ANO2: variants seen among roughly 807,000 people sequenced by gnomAD.
ANO2 encodes the protein anoctamin 2.
In ANO2, 101 loss-of-function variants were observed where a neutral mutation model predicts 124.2. The ratio of observed to expected loss-of-function variants is 0.81; its 90% confidence interval spans 0.69 to 0.96. The LOEUF (loss-of-function observed/expected upper bound fraction) is 0.96. Among genes scored for constraint, ANO2 ranks in the 40% least tolerant of loss-of-function variants. The pLI, the probability that ANO2 is intolerant of heterozygous loss-of-function variation, is 0.00. For synonymous variants in ANO2, 486 were observed against 482.5 expected, an observed-to-expected ratio of 1.01 and a Z score of -0.09; for missense variants, 1,293 against 1,274.5, an observed-to-expected ratio of 1.01 and a Z score of -0.22.
Position 5,886,705 on chromosome 12 carries a change from C to A in ANO2, c.535-32564G>T, listed in dbSNP as rs1165350730. On this transcript the variant is annotated intron_variant, in intron 3 of 24. Transcript: ENST00000682330. ...GGTGTTTGCATGTGTTCAAACTCAA[C>A]AAATTGTACATATTAATGTATTTCT... 5.3e-5 allele frequency among the ~76,000 whole-genome samples: 8 copies of A among 152,242 alleles called. No homozygotes were observed. The East Asian group carries it at 1.5e-3, about 29-fold the overall frequency.
chr12:5,879,551 T>C (rs56117866), intron 3 of ANO2, among the ~76,000 whole-genome samples: 30,666 of 152,134 alleles, frequency 0.2, 3,602 homozygotes, highest in African/African-American at 0.32. Context: ...GAAACAGACA[T>C]GAAAACAAAT....
chr12:5,756,908 T>C (rs527336040), intron 10 of ANO2, among the ~76,000 whole-genome samples: 4 of 152,330 alleles, frequency 2.6e-5, no homozygotes, highest in South Asian at 4.1e-4. Flanking sequence ...GGTCATGCCA[T>C]TGGGGACATG....
At chr12:5,657,349 G>A (rs1441239467) in intron 14 of ANO2, among the ~76,000 whole-genome samples, 11 of 152,268 alleles carry the variant, frequency 7.2e-5, no homozygotes, top group African/African-American at 2.4e-4. Context: ...TTCCCGTGCT[G>A]GGTGCCTCCA....
At position 5,563,054 on chromosome 12, in the gene ANO2, A is replaced by C. The variant is rs1302539560; in HGVS notation, c.*245T>G. On this transcript the variant is annotated 3_prime_UTR_variant, in exon 25 of 25. Coordinates refer to ENST00000682330, the MANE Select transcript of ANO2 (RefSeq NM_001364791.2). Reference sequence around the variant, plus strand: ...CCCAGTGGGGTTCCAATCCCTCAAAAGGATGCAGCTTAAAAGGGGACCTAA... The same window carrying C: ...CCCAGTGGGGTTCCAATCCCTCAAACGGATGCAGCTTAAAAGGGGACCTAA... The C allele has an allele frequency of 3.5e-6, 2 of 573,524 alleles. No individual in the cohort carries two copies. The highest frequency in any genetic ancestry group is 6.3e-5 in the East Asian group (2 of 31,528). 35.5% of individuals were successfully genotyped at this position (573,524 alleles called of 1,614,324 possible).
Position 5,830,208 on chromosome 12 carries a change from T to A in ANO2, c.840+227A>T, listed in dbSNP as rs189481163. Among the ~76,000 whole-genome samples, 125 of 152,292 alleles carry A rather than the reference T, an allele frequency of 8.2e-4. 1 individual carries two copies. The highest frequency in any genetic ancestry group is 1.8e-3 in the Admixed American group (27 of 15,296). The stretch of plus-strand genomic sequence containing the variant: ...CTTTTTTTTCTAAGAAGAACTTTAA[T>A]GGAGAACCCATAAAGAGAAGACGCT... On this transcript the variant is annotated intron_variant, in intron 6 of 24. Coordinates refer to ENST00000682330, the MANE Select transcript of ANO2 (RefSeq NM_001364791.2).
At chr12:5,649,950 C>T (rs1249757677) in intron 14 of ANO2, among the ~76,000 whole-genome samples, 1 of 152,152 alleles carries the variant, frequency 6.6e-6, no homozygotes, top group East Asian at 1.9e-4. Context: ...CACCCAGCCA[C>T]CTAAGGGTAT....
At chr12:5,944,978 AC>A (rs905473372) in intron 1 of ANO2, among the ~76,000 whole-genome samples, 27 of 151,816 alleles carry the variant, frequency 1.8e-4, no homozygotes, top group African/African-American at 4.6e-4. Context: ...TAAAAAAAAA[AC>A]AAAACAAAAC....
In ANO2 at chr12:5,636,263, C is replaced by T. The variant is rs1207990390; in HGVS notation, c.1621-916G>A. ...TCCTTCTTCTGTCCCCACGTCCCCT[C>T]CTGTCCCCATCGCAACCAAGGAAGG... On this transcript the variant is annotated intron_variant, in intron 15 of 24. Transcript: ENST00000682330. The surrounding 1 kb of genome is among the most constrained non-coding windows in gnomAD (Gnocchi z 4.6). 6.6e-6 allele frequency among the ~76,000 whole-genome samples: 1 copy of T among 152,132 alleles called. No homozygotes were observed. The highest frequency in any genetic ancestry group is 2.4e-5 in the African/African-American group (1 of 41,420).
intron 3 of ANO2, among the ~76,000 whole-genome samples, chr12:5,902,307 G>A (rs999258375): frequency 1.3e-5 from 2 of 152,008 alleles, no homozygotes; most frequent in East Asian, 2.0e-4. Context: ...TAGCTAGGCT[G>A]GACAAGATGG....
chr12:5,669,939 T>A (rs1947909768), intron 14 of ANO2, among the ~76,000 whole-genome samples: 1 of 152,240 alleles, frequency 6.6e-6, no homozygotes, highest in African/African-American at 2.4e-5. Flanking sequence ...CATAAGCAGT[T>A]GTGTCCATGA....
chr12:5,710,207 G>A (rs1949761115), intron 14 of ANO2, among the ~76,000 whole-genome samples: 2 of 152,218 alleles, frequency 1.3e-5, no homozygotes, highest in African/African-American at 2.4e-5. Context: ...TGATTGCTGT[G>A]GAGAGAGGGG....
intron 14 of ANO2, among the ~76,000 whole-genome samples, chr12:5,661,055 T>C (rs1176856305): frequency 6.6e-6 from 1 of 152,226 alleles, no homozygotes; most frequent in African/African-American, 2.4e-5. Flanking sequence ...TTTTCTCATA[T>C]GCATTGCAGC....
At chr12:5,783,177 A>C (rs1290616571) in intron 10 of ANO2, among the ~76,000 whole-genome samples, 1 of 152,258 alleles carries the variant, frequency 6.6e-6, no homozygotes, top group Non-Finnish European at 1.5e-5. Flanking sequence ...CTGCCAAATC[A>C]GACCTTTCTG....
rs781395105 is a variant in ANO2 at position 5,732,574 on chromosome 12, G to A, written c.1491C>T (p.Ser497=). The A allele has an allele frequency of 8.7e-6, 14 of 1,613,802 alleles. No homozygotes were observed. The highest frequency in any genetic ancestry group is 2.2e-5 in the South Asian group (2 of 91,058). ...CCAATTTCTGGACAGCAGACTGGTTGCTCTCCTTTAGCATTTTCTCTCGAA... is the reference window on the plus strand; with the variant it reads ...CCAATTTCTGGACAGCAGACTGGTTACTCTCCTTTAGCATTTTCTCTCGAA... The part of the protein sequence containing the change: ...TKVREKMLKE[S]NQSAVQKLET... Residue 497 remains serine (S), a synonymous_variant, in exon 14 of 25, where the codon AGC becomes AGT. Coordinates refer to ENST00000682330, the MANE Select transcript of ANO2 (RefSeq NM_001364791.2).
intron 20 of ANO2, among the ~76,000 whole-genome samples, chr12:5,589,052 A>C (rs1418756124): frequency 6.6e-6 from 1 of 152,216 alleles, no homozygotes; most frequent in African/African-American, 2.4e-5. Context: ...CTTTTACTTC[A>C]AAGACGAGGG....
chr12:5,782,322 T>A (rs1224351260), intron 10 of ANO2, among the ~76,000 whole-genome samples: 1 of 152,236 alleles, frequency 6.6e-6, no homozygotes, highest in East Asian at 1.9e-4. Flanking sequence ...TATCTGTGCC[T>A]GTATATTTAA....
At chr12:5,800,236 A>G (rs1206464931) in intron 9 of ANO2, among the ~76,000 whole-genome samples, 1 of 152,246 alleles carries the variant, frequency 6.6e-6, no homozygotes, top group African/African-American at 2.4e-5. Context: ...ACAGGGAACC[A>G]GTGTGGCTGG....
chr12:5,747,512 T>C (rs916587602), intron 11 of ANO2, among the ~76,000 whole-genome samples: 1 of 152,212 alleles, frequency 6.6e-6, no homozygotes, highest in Non-Finnish European at 1.5e-5. Flanking sequence ...TACTTTTTTC[T>C]AGTATTTACA....
At chr12:5,688,515 T>C (rs1332746215) in intron 14 of ANO2, among the ~76,000 whole-genome samples, 1 of 152,216 alleles carries the variant, frequency 6.6e-6, no homozygotes, top group South Asian at 2.1e-4. Context: ...TACTCCCTTA[T>C]GAGGGAGGCT....
Sources: allele counts gnomAD v4.1 joint callset (sites outside exome capture counted in the v4.1 genomes callset), GRCh38; gene constraint gnomAD v4.1.1; non-coding constraint Gnocchi (gnomAD v3.1); transcripts MANE v1.5; gene names NCBI Gene and HGNC (gene_info 2026-07-23, HGNC 2026-07-21).